TCF4: variants seen among roughly 807,000 people sequenced by gnomAD.
TCF4 encodes the protein SL3-3 enhancer factor 2.
A neutral mutation model predicts 82.1 loss-of-function variants in TCF4; 3 were observed. That is an observed-to-expected ratio of 0.04 (90% CI 0.02 to 0.09). The LOEUF (loss-of-function observed/expected upper bound fraction) is 0.09, where lower values mean the gene tolerates loss of function less well. Ranked by LOEUF, TCF4 falls within the 10% of genes least tolerant of loss-of-function variation. The probability of loss-of-function intolerance (pLI) is 1.00; values close to 1 mark genes in which losing one functional copy is unlikely to be tolerated. For synonymous variants in TCF4, 276 were observed against 309.6 expected (o/e 0.89, Z 1.14); for missense variants, 518 against 852.7 (o/e 0.61, Z 4.89).
At chr18:55,434,014 C>T (rs528751390) in intron 5 of TCF4, among the ~76,000 whole-genome samples, 26 of 152,120 alleles carry the variant, frequency 1.7e-4, no homozygotes, top group Non-Finnish European at 2.9e-4. Context: ...TAAAACAAAT[C>T]AGCCTAAGAT....
intron 2 of TCF4, among the ~76,000 whole-genome samples, chr18:55,615,171 G>A (rs1391375152): frequency 1.3e-5 from 2 of 151,974 alleles, no homozygotes; most frequent in Non-Finnish European, 2.9e-5. Context: ...ATTAATTTGG[G>A]GAGAATTGAC....
At chr18:55,418,976 G>A (rs1328983742) in intron 5 of TCF4, among the ~76,000 whole-genome samples, 2 of 152,120 alleles carry the variant, frequency 1.3e-5, no homozygotes, top group Admixed American at 6.5e-5. Flanking sequence ...CCAACAGAGT[G>A]CATTGGGCCA....
intron 5 of TCF4, among the ~76,000 whole-genome samples, chr18:55,441,305 C>A (rs1256790127): frequency 6.6e-6 from 1 of 152,214 alleles, no homozygotes; most frequent in Non-Finnish European, 1.5e-5. Context: ...CCAATCATAT[C>A]CTTTGTTTCA....
intron 6 of TCF4, among the ~76,000 whole-genome samples, chr18:55,396,569 C>A (rs1341824965): frequency 2.0e-5 from 3 of 152,046 alleles, no homozygotes; most frequent in Admixed American, 6.6e-5. Flanking sequence ...TGTTTACTAG[C>A]AATTATAGAG....
At chr18:55,256,088 G>T (rs183519009) in intron 14 of TCF4, among the ~76,000 whole-genome samples, 6 of 152,212 alleles carry the variant, frequency 3.9e-5, no homozygotes, top group Non-Finnish European at 7.4e-5. Flanking sequence ...ATAAATATGG[G>T]AATGATAATA....
rs73960232 is a variant in TCF4, at chr18:55,319,765, C to T, written c.549+30594G>A. Among the ~76,000 whole-genome samples, 699 of 151,686 alleles carry T rather than the reference C, an allele frequency of 4.6e-3. 7 individuals are homozygous for T. Among genetic ancestry groups the T allele is most frequent in the African/African-American group, 0.016 (675 of 41,386 alleles). ...TGATGTCATATTCAGCATTTTCTTA[C>T]GGTGGAGGCAACTGGCAAGCTGTGG... On this transcript the variant is annotated intron_variant, in intron 8 of 19. Transcript: ENST00000354452.
At chr18:55,401,706 T>C (rs2146441386) in intron 6 of TCF4, 2 of 986,138 alleles carry the variant, frequency 2.0e-6, no homozygotes, top group Non-Finnish European at 2.4e-6. Flanking sequence ...GGATGATGCT[T>C]TCACAAGTTA....
chr18:55,507,925 A>C (rs2096781308), intron 3 of TCF4, among the ~76,000 whole-genome samples: 1 of 152,150 alleles, frequency 6.6e-6, no homozygotes, highest in Non-Finnish European at 1.5e-5. Context: ...AAGGTGGAGA[A>C]ACTGACCCAT....
At chr18:55,233,464 G>A (rs978299840) in intron 16 of TCF4, among the ~76,000 whole-genome samples, 3 of 152,186 alleles carry the variant, frequency 2.0e-5, no homozygotes, top group African/African-American at 2.4e-5. Context: ...TTGTGCTTAT[G>A]TGCAGTTTGA....
At chr18:55,350,775 G>A in intron 7 of TCF4, 99 bp downstream of exon 7, 4 of 1,557,362 alleles carry the variant, frequency 2.6e-6, no homozygotes, top group Non-Finnish European at 3.5e-6. Flanking sequence ...GTTTTCTTGG[G>A]GTGGGAGGTA....
chr18:55,462,830 C>T (rs966342068), intron 4 of TCF4, among the ~76,000 whole-genome samples: 1 of 152,104 alleles, frequency 6.6e-6, no homozygotes. Flanking sequence ...CCATATAAAG[C>T]ATTAGAATGT....
At chr18:55,597,789 T>G (rs2097692633) in intron 2 of TCF4, among the ~76,000 whole-genome samples, 1 of 152,120 alleles carries the variant, frequency 6.6e-6, no homozygotes, top group African/African-American at 2.4e-5. Flanking sequence ...TTAATATATC[T>G]AATCTGGATT....
intron 9 of TCF4, among the ~76,000 whole-genome samples, chr18:55,279,347 T>C (rs1426941015): frequency 6.6e-6 from 1 of 152,214 alleles, no homozygotes; most frequent in Non-Finnish European, 1.5e-5. Flanking sequence ...CCATTACTGC[T>C]TAAAGGGGTT....
At chr18:55,496,249 C>CA (rs1213012429) in intron 3 of TCF4, 1 of 152,126 alleles carries the variant, frequency 6.6e-6, no homozygotes, top group Non-Finnish European at 1.5e-5. Flanking sequence ...ATAATTGTTA[C>CA]AAATTGTGCC....
At chr18:55,377,474 GAA>G (rs892970253) in intron 6 of TCF4, among the ~76,000 whole-genome samples, 11 of 152,156 alleles carry the variant, frequency 7.2e-5, no homozygotes, top group African/African-American at 2.7e-4. Context: ...TTATTATCAG[GAA>G]AAATATAGAC....
chr18:55,311,426 A>C (rs1226755904), intron 8 of TCF4, among the ~76,000 whole-genome samples: 1 of 152,144 alleles, frequency 6.6e-6, no homozygotes, highest in Non-Finnish European at 1.5e-5. Context: ...CCTGACCCCC[A>C]CAGTTGTGAC....
At chr18:55,377,855 G>A (rs1305138049) in intron 6 of TCF4, among the ~76,000 whole-genome samples, 1 of 152,204 alleles carries the variant, frequency 6.6e-6, no homozygotes, top group African/African-American at 2.4e-5. Context: ...TTGCCAGAGA[G>A]TGAATCTTTG....
At chr18:55,587,976 G>C in intron 1 of TCF4, 62 bp downstream of exon 1, 1 of 961,244 alleles carries the variant, frequency 1.0e-6, no homozygotes. Context: ...GGGCCGCCGA[G>C]CCCGAACCCC....
At chr18:55,456,452 A>G (rs376321784) in intron 5 of TCF4, among the ~76,000 whole-genome samples, 2 of 152,218 alleles carry the variant, frequency 1.3e-5, no homozygotes, top group South Asian at 4.1e-4. Flanking sequence ...ACTAAGCTGT[A>G]GCCAAATGTA....
Sources: gnomAD v4.1 joint callset for allele counts (sites outside exome capture counted in the v4.1 genomes callset) on GRCh38, gnomAD v4.1.1 for gene constraint, MANE v1.5 for transcripts, NCBI Gene and HGNC (gene_info 2026-07-23, HGNC 2026-07-21) for gene names.